Variants in XRCC4 observed in about 807,000 individuals in gnomAD.
XRCC4 encodes the protein X-ray repair cross complementing 4, also known as DNA repair protein XRCC4.
A neutral mutation model predicts 39.1 loss-of-function variants in XRCC4; 28 were observed. The observed-to-expected ratio is 0.72, with a 90% CI of 0.53 to 0.98. XRCC4 has a LOEUF of 0.98. Among genes scored for constraint, XRCC4 ranks in the 50% least tolerant of loss-of-function variants. XRCC4 has a pLI of 0.00. For missense variants in XRCC4, 350 were observed against 376.4 expected (o/e 0.93, Z 0.58); for synonymous variants, 123 against 126.4 (o/e 0.97, Z 0.18).
At chr5:83,187,263 G>A (rs909691846) in intron 3 of XRCC4, among the ~76,000 whole-genome samples, 4 of 152,120 alleles carry the variant, frequency 2.6e-5, no homozygotes, top group African/African-American at 7.2e-5. Flanking sequence ...AACGGTAGCA[G>A]TTTTGTATCT....
intron 7 of XRCC4, among the ~76,000 whole-genome samples, chr5:83,265,575 C>A (rs1421899087): frequency 2.0e-5 from 3 of 151,982 alleles, no homozygotes; most frequent in African/African-American, 7.3e-5. Context: ...CAAAATAATT[C>A]AATAAAGATT....
chr5:83,202,562 AAT>A (rs1751249103), intron 4 of XRCC4, among the ~76,000 whole-genome samples: 1 of 152,114 alleles, frequency 6.6e-6, no homozygotes, highest in African/African-American at 2.4e-5. Flanking sequence ...ATTTCACTGA[AAT>A]ATATATGTGT....
intron 3 of XRCC4, among the ~76,000 whole-genome samples, chr5:83,128,660 G>C (rs1177783311): frequency 1.3e-5 from 2 of 152,026 alleles, no homozygotes; most frequent in Non-Finnish European, 2.9e-5. Flanking sequence ...TTTAATGATC[G>C]CCATTCTAAC....
At chr5:83,307,737 A>T (rs1429581618) in intron 7 of XRCC4, among the ~76,000 whole-genome samples, 1 of 152,154 alleles carries the variant, frequency 6.6e-6, no homozygotes, top group Non-Finnish European at 1.5e-5. Context: ...TTTAGTTGGA[A>T]CATAGCATGT....
intron 6 of XRCC4, among the ~76,000 whole-genome samples, chr5:83,240,724 A>T (rs1037015102): frequency 1.3e-5 from 2 of 152,186 alleles, no homozygotes; most frequent in African/African-American, 2.4e-5. Flanking sequence ...TGAAATGGTG[A>T]AAGTGAGTGA....
At chr5:83,235,891 A>G (rs2112830911) in intron 6 of XRCC4, among the ~76,000 whole-genome samples, 1 of 152,280 alleles carries the variant, frequency 6.6e-6, no homozygotes, top group Admixed American at 6.5e-5. Context: ...TATAATCAAT[A>G]TGCAAAAATC....
intron 3 of XRCC4, among the ~76,000 whole-genome samples, chr5:83,137,200 C>G (rs1019886350): frequency 1.3e-5 from 2 of 151,994 alleles, no homozygotes; most frequent in African/African-American, 2.4e-5. Context: ...GATGATGGCA[C>G]GTAATTATAT....
At chr5:83,187,446 G>A (rs965334005) in intron 3 of XRCC4, among the ~76,000 whole-genome samples, 2 of 152,118 alleles carry the variant, frequency 1.3e-5, no homozygotes, top group African/African-American at 4.8e-5. Context: ...ACTGTGGAAG[G>A]TAACATCCCA....
At chr5:83,100,242 G>A (rs1392965641) in intron 1 of XRCC4, among the ~76,000 whole-genome samples, 1 of 152,008 alleles carries the variant, frequency 6.6e-6, no homozygotes, top group Non-Finnish European at 1.5e-5. Flanking sequence ...CTAAATAATA[G>A]AATCTTTAAA....
intron 7 of XRCC4, among the ~76,000 whole-genome samples, chr5:83,324,888 A>C (rs1756196992): frequency 6.6e-6 from 1 of 152,182 alleles, no homozygotes; most frequent in African/African-American, 2.4e-5. Context: ...AACTAAAAGT[A>C]ATTTGAAAAT....
chr5:83,325,541 A>G (rs761201655), intron 7 of XRCC4, among the ~76,000 whole-genome samples: 130 of 152,172 alleles, frequency 8.5e-4, no homozygotes, highest in Non-Finnish European at 1.6e-3. Context: ...GCTCTCACTT[A>G]TAAGTGATAA....
intron 7 of XRCC4, among the ~76,000 whole-genome samples, chr5:83,299,561 G>T (rs28746473): frequency 1.3e-5 from 2 of 151,966 alleles, no homozygotes; most frequent in South Asian, 4.1e-4. Flanking sequence ...TGTTTTCCAT[G>T]TATTTTAACC....
At chr5:83,232,950 G>A (rs1480446729) in intron 6 of XRCC4, among the ~76,000 whole-genome samples, 1 of 152,094 alleles carries the variant, frequency 6.6e-6, no homozygotes, top group Non-Finnish European at 1.5e-5. Flanking sequence ...GCCATACTTC[G>A]AACCCATTTA....
intron 3 of XRCC4, among the ~76,000 whole-genome samples, chr5:83,177,445 T>C (rs1381953394): frequency 6.6e-6 from 1 of 152,058 alleles, no homozygotes; most frequent in African/African-American, 2.4e-5. Context: ...TACCTTTTTT[T>C]TTTTTTTTTT....
intron 3 of XRCC4, among the ~76,000 whole-genome samples, chr5:83,150,244 G>A (rs1442707394): frequency 6.6e-6 from 1 of 152,074 alleles, no homozygotes; most frequent in Admixed American, 6.6e-5. Flanking sequence ...AGATTTTTGA[G>A]AATATAAGAA....
chr5:83,241,347 A>G (rs1308303735), intron 6 of XRCC4, among the ~76,000 whole-genome samples: 1 of 152,176 alleles, frequency 6.6e-6, no homozygotes, highest in African/African-American at 2.4e-5. Context: ...AATTGCAGCC[A>G]TATTAATGAT....
chr5:83,293,663 ATCAGTTTGTAAATT>A (rs1204115885), intron 7 of XRCC4, among the ~76,000 whole-genome samples: 2 of 151,872 alleles, frequency 1.3e-5, no homozygotes, highest in African/African-American at 4.8e-5. Context: ...TCCCTCCATT[ATCAGTTTGTAAATT>A]TCAGGCAGAG....
intron 3 of XRCC4, among the ~76,000 whole-genome samples, chr5:83,155,427 G>A (rs368817270): frequency 2.6e-4 from 39 of 152,284 alleles, no homozygotes; most frequent in Non-Finnish European, 3.4e-4. Context: ...ATTTACTAGC[G>A]TAAAAGGTAT....
At chr5:83,330,653 G>T (rs994035292) in intron 7 of XRCC4, among the ~76,000 whole-genome samples, 2 of 151,902 alleles carry the variant, frequency 1.3e-5, no homozygotes, top group Admixed American at 1.3e-4. Context: ...GGGTTCTTAG[G>T]TGGTAGCTTT....
Sources: allele counts gnomAD v4.1 joint callset (sites outside exome capture counted in the v4.1 genomes callset), GRCh38; gene constraint gnomAD v4.1.1; transcripts MANE v1.5; gene names NCBI Gene and HGNC (gene_info 2026-07-23, HGNC 2026-07-21).